WWC2: variants seen among roughly 807,000 people sequenced by gnomAD.
WWC2 encodes the protein WW and C2 domain containing 2.
Under a neutral mutation model 138.5 loss-of-function variants are expected in WWC2, and 101 were observed. That is an observed-to-expected ratio of 0.73 (90% CI 0.62 to 0.86). The LOEUF is 0.86. WWC2 is among the 40% of genes least tolerant of loss of function. The pLI, the probability that WWC2 is intolerant of heterozygous loss-of-function variation, is 0.00. For synonymous variants in WWC2, 558 were observed against 538.4 expected (o/e 1.04, Z -0.50); for missense variants, 1,420 against 1,419.4 (o/e 1.00, Z -0.01).
At chr4:183,132,848 C>G (rs994782860) in intron 1 of WWC2, among the ~76,000 whole-genome samples, 5 of 151,970 alleles carry the variant, frequency 3.3e-5, no homozygotes, top group African/African-American at 1.2e-4. Flanking sequence ...AACATCAAGC[C>G]AACTTTACAT....
At chr4:183,142,215 C>T (rs188555732) in intron 1 of WWC2, among the ~76,000 whole-genome samples, 2 of 152,224 alleles carry the variant, frequency 1.3e-5, no homozygotes, top group East Asian at 3.9e-4. Flanking sequence ...GGTGACACCC[C>T]CTGGTTCTGG....
At chr4:183,244,796 C>T (rs1346408479) in intron 5 of WWC2, among the ~76,000 whole-genome samples, 1 of 152,060 alleles carries the variant, frequency 6.6e-6, no homozygotes, top group East Asian at 1.9e-4. Context: ...AGCATTTGCC[C>T]ACGTCTTTTA....
At chr4:183,099,657 G>T in intron 1 of WWC2, 35 bp downstream of exon 1, 1 of 1,259,554 alleles carries the variant, frequency 7.9e-7, no homozygotes, top group South Asian at 2.5e-5. Flanking sequence ...GGCCCGTTCG[G>T]ACACGGCGGC....
At chr4:183,176,352 A>C (rs1734467291) in intron 1 of WWC2, among the ~76,000 whole-genome samples, 1 of 152,162 alleles carries the variant, frequency 6.6e-6, no homozygotes, top group African/African-American at 2.4e-5. Context: ...CCGGAGCTTA[A>C]AAAAATCTGT....
At chr4:183,263,602 G>T (rs141098076) in intron 11 of WWC2, among the ~76,000 whole-genome samples, 8 of 152,168 alleles carry the variant, frequency 5.3e-5, no homozygotes, top group Non-Finnish European at 8.8e-5. Context: ...AAGTGAAAGC[G>T]TATATTTAAC....
chr4:183,124,044 C>G (rs910219436), intron 1 of WWC2, among the ~76,000 whole-genome samples: 1 of 152,126 alleles, frequency 6.6e-6, no homozygotes, highest in African/African-American at 2.4e-5. Flanking sequence ...ATGTTCCTTG[C>G]AGTTTGGTAG....
chr4:183,251,788 G>A (rs1256772116), intron 8 of WWC2, among the ~76,000 whole-genome samples: 3 of 152,150 alleles, frequency 2.0e-5, no homozygotes, highest in Non-Finnish European at 2.9e-5. Context: ...TAAATCTCAA[G>A]CGCTTATGCA....
At chr4:183,313,195 T>C (rs1383097824) in intron 22 of WWC2, among the ~76,000 whole-genome samples, 1 of 151,886 alleles carries the variant, frequency 6.6e-6, no homozygotes, top group African/African-American at 2.4e-5. Context: ...GCATGGGGAG[T>C]TGCCAGCTGG....
intron 11 of WWC2, among the ~76,000 whole-genome samples, chr4:183,262,866 A>G (rs1414010304): frequency 6.6e-6 from 1 of 152,182 alleles, no homozygotes; most frequent in Non-Finnish European, 1.5e-5. Flanking sequence ...TTAGTCACCA[A>G]CGTGTTTGGG....
chr4:183,240,259 A>C lies in WWC2; in HGVS notation c.599A>C (p.Gln200Pro). ...AAAGAACAAGGCTTTGAAACATTGCAGCAGTGAGTATGAAAAGACTGAATC... is the reference window on the plus strand; with the variant it reads ...AAAGAACAAGGCTTTGAAACATTGCCGCAGTGAGTATGAAAAGACTGAATC... Reference protein sequence around the residue: ...LYKEQGFETLQQIDKKMSGGQ... With the variant: ...LYKEQGFETLPQIDKKMSGGQ... Residue 200 changes from glutamine (Q) to proline (P), a missense_variant, in exon 5 of 23, where the codon CAG (glutamine) becomes CCG (proline). Coordinates refer to ENST00000403733, the MANE Select transcript of WWC2 (RefSeq NM_024949.6). The C allele has an allele frequency of 1.3e-6, 2 of 1,549,154 alleles. No individual in the cohort carries two copies. The highest frequency in any genetic ancestry group is 1.7e-6 in the Non-Finnish European group (2 of 1,146,598).
intron 8 of WWC2, among the ~76,000 whole-genome samples, chr4:183,251,594 C>T (rs559512855): frequency 1.3e-5 from 2 of 152,176 alleles, no homozygotes; most frequent in South Asian, 4.1e-4. Flanking sequence ...TTAAGACCTG[C>T]CTAATGTCTG....
intron 1 of WWC2, among the ~76,000 whole-genome samples, chr4:183,189,112 G>A (rs1734909063): frequency 6.6e-6 from 1 of 151,586 alleles, no homozygotes. Flanking sequence ...TTGTTTCTTT[G>A]TGTTGCTAGT....
intron 1 of WWC2, among the ~76,000 whole-genome samples, chr4:183,151,007 A>G (rs1733622141): frequency 6.6e-6 from 1 of 152,256 alleles, no homozygotes; most frequent in East Asian, 1.9e-4. Context: ...ATACGTGTGC[A>G]TGTGTCTTTA....
At chr4:183,287,804 C>T (rs10000916) in intron 20 of WWC2, among the ~76,000 whole-genome samples, 57,807 of 152,062 alleles carry the variant, frequency 0.38, 11,411 homozygotes, top group Admixed American at 0.48. Context: ...CTCACGCTGG[C>T]TCACAAGAGC....
intron 21 of WWC2, among the ~76,000 whole-genome samples, chr4:183,292,917 T>C (rs929304369): frequency 6.6e-6 from 1 of 152,212 alleles, no homozygotes; most frequent in Non-Finnish European, 1.5e-5. Flanking sequence ...AGATTGTACA[T>C]GTTGACTATG....
chr4:183,187,610 C>CCTGT (rs981852990), intron 1 of WWC2, among the ~76,000 whole-genome samples: 1 of 138,010 alleles, frequency 7.2e-6, no homozygotes, highest in African/African-American at 2.8e-5. Context: ...GTGGCTCACA[C>CCTGT]CTGTAATCCC....
intron 1 of WWC2, among the ~76,000 whole-genome samples, chr4:183,187,902 AAAG>A (rs1333559531): frequency 6.6e-6 from 1 of 152,112 alleles, no homozygotes; most frequent in African/African-American, 2.4e-5. Context: ...AATAAAAAAA[AAAG>A]AGACCAGAAA....
chr4:183,214,934 G>A (rs1241637531), intron 4 of WWC2, among the ~76,000 whole-genome samples: 2 of 152,034 alleles, frequency 1.3e-5, no homozygotes, highest in Admixed American at 1.3e-4. Context: ...TTTCTTTTAG[G>A]GTGTTGAAAG....
At chr4:183,105,884 T>C (rs892724540) in intron 1 of WWC2, among the ~76,000 whole-genome samples, 2 of 149,874 alleles carry the variant, frequency 1.3e-5, no homozygotes, top group African/African-American at 4.9e-5. Context: ...AACGGGACTC[T>C]GTCTTAAAAA....
Sources: gnomAD v4.1 joint callset for allele counts (sites outside exome capture counted in the v4.1 genomes callset) on GRCh38, gnomAD v4.1.1 for gene constraint, MANE v1.5 for transcripts, NCBI Gene and HGNC (gene_info 2026-07-23, HGNC 2026-07-21) for gene names.